Variants in LRP1B observed in about 807,000 individuals in gnomAD.
LRP1B encodes the protein LDL receptor related protein 1B.
Under a neutral mutation model 556.6 loss-of-function variants are expected in LRP1B, and 217 were observed. That is an observed-to-expected ratio of 0.39 (90% CI 0.35 to 0.44). LRP1B has a LOEUF of 0.44. Ranked by LOEUF, LRP1B falls within the 20% of genes least tolerant of loss-of-function variation. The pLI, the probability that LRP1B is intolerant of heterozygous loss-of-function variation, is 1.00. For synonymous variants in LRP1B, 2,047 were observed against 1,865.8 expected (o/e 1.10, Z -2.50); for missense variants, 5,053 against 5,620.8 (o/e 0.90, Z 3.23).
At chr2:140,689,920 C>T in intron 41 of LRP1B, among the ~76,000 whole-genome samples, 1 of 152,150 alleles carries the variant, frequency 6.6e-6, no homozygotes. Flanking sequence ...TCTCCCAAGC[C>T]TGAACACCTA....
intron 1 of LRP1B, among the ~76,000 whole-genome samples, chr2:142,048,073 TAA>T (rs1323656631): frequency 3.3e-5 from 5 of 150,348 alleles, no homozygotes; most frequent in African/African-American, 1.2e-4. Flanking sequence ...TACTATATCA[TAA>T]GTGACCATTT....
At chr2:140,712,024 C>T (rs16844583) in intron 37 of LRP1B, among the ~76,000 whole-genome samples, 2,001 of 152,250 alleles carry the variant, frequency 0.013, 50 homozygotes, top group African/African-American at 0.045. Flanking sequence ...TCCATATAAA[C>T]ATCCTCAGAT....
chr2:140,702,232 T>G lies in LRP1B; in HGVS notation c.6211A>C (p.Thr2071Pro). 1 of 1,613,790 alleles carries G rather than the reference T, an allele frequency of 6.2e-7. No individual in the cohort carries two copies. Among genetic ancestry groups the G allele is most frequent in the Non-Finnish European group, 8.5e-7 (1 of 1,179,772 alleles). ...AGCACCATCTCGCGATTCCCTCCAGTCTCAAGGTCGATTCTCTCTATCTTG... is the reference window on the plus strand; with the variant it reads ...AGCACCATCTCGCGATTCCCTCCAGGCTCAAGGTCGATTCTCTCTATCTTG... ...TDKIERIDLE[T>P]GGNREMVLSG... Residue 2071 changes from threonine (T) to proline (P), a missense_variant, in exon 39 of 91, where the codon ACT (threonine) becomes CCT (proline). By Grantham distance (38) the Thr-to-Pro change is conservative (BLOSUM62 -1). Around this residue, in one of 5 missense-constraint regions of LRP1B, gnomAD observed 3,619 missense variants for 3,931.9 expected, o/e 0.92. Coordinates refer to ENST00000389484, the MANE Select transcript of LRP1B (RefSeq NM_018557.3).
At chr2:141,171,351 C>T (rs77767896) in intron 7 of LRP1B, among the ~76,000 whole-genome samples, 4,269 of 152,130 alleles carry the variant, frequency 0.028, 78 homozygotes, top group South Asian at 0.065. Flanking sequence ...CTTCCCTCTT[C>T]CCCACCCCAG....
chr2:141,648,250 C>T (rs1558779142), intron 2 of LRP1B, among the ~76,000 whole-genome samples: 1 of 152,196 alleles, frequency 6.6e-6, no homozygotes, highest in Non-Finnish European at 1.5e-5. Flanking sequence ...ATTAAGCTAA[C>T]AACATTCATT....
intron 66 of LRP1B, among the ~76,000 whole-genome samples, chr2:140,397,002 G>T (rs750787882): frequency 6.6e-6 from 1 of 152,086 alleles, no homozygotes; most frequent in Non-Finnish European, 1.5e-5. Flanking sequence ...CTTGCTCAAG[G>T]TCACAGAGTA....
chr2:141,979,847 T>C (rs1000702388), intron 1 of LRP1B, among the ~76,000 whole-genome samples: 1 of 152,098 alleles, frequency 6.6e-6, no homozygotes, highest in Non-Finnish European at 1.5e-5. Flanking sequence ...ACCATGCATA[T>C]CCAAGCCTAG....
intron 23 of LRP1B, among the ~76,000 whole-genome samples, chr2:140,891,860 T>C (rs1186522425): frequency 1.3e-5 from 2 of 152,178 alleles, no homozygotes; most frequent in African/African-American, 4.8e-5. Context: ...TCTCTCTTAG[T>C]AATCACTTTC....
At chr2:141,134,173 C>T (rs56012564) in intron 7 of LRP1B, among the ~76,000 whole-genome samples, 8,299 of 151,792 alleles carry the variant, frequency 0.055, 281 homozygotes, top group African/African-American at 0.092. Flanking sequence ...CAGTGATCCT[C>T]TGCTTGGCTC....
chr2:140,852,647 C>G lies in LRP1B; in HGVS notation c.4580-864G>C, dbSNP rs78166907. Among the ~76,000 whole-genome samples, 195 of 152,228 alleles carry G rather than the reference C, an allele frequency of 1.3e-3. 3 individuals are homozygous for G. The East Asian group carries it at 0.027, about 21-fold the overall frequency. ...GATTAAGTCATCTACTTCTTTGTTA[C>G]TTTTTCTGTATTAACTAATTCCATG... On this transcript the variant is annotated intron_variant, in intron 27 of 90. Coordinates refer to ENST00000389484, the MANE Select transcript of LRP1B (RefSeq NM_018557.3).
chr2:140,831,518 C>T (rs1436451315), intron 31 of LRP1B, among the ~76,000 whole-genome samples: 3 of 152,002 alleles, frequency 2.0e-5, no homozygotes, highest in African/African-American at 7.2e-5. Flanking sequence ...ATATAAAAGT[C>T]AAATCAAAAT....
At chr2:141,685,940 T>C (rs1296322280) in intron 2 of LRP1B, among the ~76,000 whole-genome samples, 2 of 152,092 alleles carry the variant, frequency 1.3e-5, no homozygotes, top group Non-Finnish European at 2.9e-5. Flanking sequence ...TTGTAAAACA[T>C]TCAAGTACAT....
chr2:141,700,973 C>A (rs1364228664), intron 2 of LRP1B, among the ~76,000 whole-genome samples: 2 of 151,742 alleles, frequency 1.3e-5, no homozygotes. Flanking sequence ...ATTTTGATAT[C>A]ATATCTCCTC....
chr2:140,298,451 GTT>G (rs1336607961), intron 83 of LRP1B, among the ~76,000 whole-genome samples: 1 of 152,092 alleles, frequency 6.6e-6, no homozygotes, highest in Non-Finnish European at 1.5e-5. Flanking sequence ...CTTGTAATAA[GTT>G]TAAAGTAGAC....
In LRP1B at chr2:141,096,679, A is replaced by AGAGGGAGAGAGAGAGAGAGAGG. The variant is rs1553459411; in HGVS notation, c.1014-34407_1014-34406insCCTCTCTCTCTCTCTCTCCCTC. Among the ~76,000 whole-genome samples the AGAGGGAGAGAGAGAGAGAGAGG allele has an allele frequency of 3.6e-4, 32 of 88,510 alleles. 7 individuals carry two copies. The highest frequency in any genetic ancestry group is 1.7e-3 in the East Asian group (3 of 1,806). The allele number at this position is 88,510 out of a possible 152,430, so 58.1% of individuals were successfully genotyped here. The stretch of plus-strand genomic sequence containing the variant: ...GAGAGAGAGAGAGAGAGAGAGAGAG[A>AGAGGGAGAGAGAGAGAGAGAGG]GAGAGAGAGAGAAAATAAATAAATA... On this transcript the variant is annotated intron_variant, in intron 7 of 90. Coordinates refer to ENST00000389484, the MANE Select transcript of LRP1B (RefSeq NM_018557.3).
At chr2:141,020,163 C>T (rs2105397521) in intron 11 of LRP1B, 61 bp from the exon 12 acceptor site, 5 of 1,069,314 alleles carry the variant, frequency 4.7e-6, no homozygotes, top group Non-Finnish European at 3.9e-6. Flanking sequence ...AATTAGTGTT[C>T]ACTACTAATA....
chr2:141,869,797 G>C (rs987569557), intron 1 of LRP1B, among the ~76,000 whole-genome samples: 5 of 152,062 alleles, frequency 3.3e-5, no homozygotes, highest in Non-Finnish European at 7.4e-5. Context: ...ATATGTGTTA[G>C]ATAAATTTCC....
At position 140,516,974 on chromosome 2, in the gene LRP1B, A is replaced by G. The variant is rs767852892; in HGVS notation, c.8064T>C (p.Ser2688=). Residue 2688 remains serine, a synonymous_variant, in exon 50 of 91, where the codon AGT becomes AGC. Transcript: ENST00000389484. ...NKHKCEENYF[S]CPSGRCILNT... ...TCAAAATGCATCTTCCACTAGGACA[A>G]CTAAAATAATTTTCTTCACATTTGT... 6.3e-7 allele frequency: 1 copy of G among 1,599,564 alleles called. No individual in the cohort carries two copies. The highest frequency in any genetic ancestry group is 8.6e-7 in the Non-Finnish European group (1 of 1,166,884).
At chr2:141,161,447 G>T (rs1336823911) in intron 7 of LRP1B, among the ~76,000 whole-genome samples, 1 of 152,104 alleles carries the variant, frequency 6.6e-6, no homozygotes, top group Non-Finnish European at 1.5e-5. Context: ...GAGCTGACAG[G>T]AAGGGATAGA....
Sources: allele counts gnomAD v4.1 joint callset (sites outside exome capture counted in the v4.1 genomes callset), GRCh38; gene constraint gnomAD v4.1.1; regional missense constraint gnomAD v4.1.1; transcripts MANE v1.5; gene names NCBI Gene and HGNC (gene_info 2026-07-23, HGNC 2026-07-21).